The following CDK12 variants were observed in gnomAD, a reference collection of about 807,000 sequenced individuals.
CDK12 encodes cyclin dependent kinase 12.
CDK12 carries 17 observed loss-of-function variants against 133.8 expected under a neutral mutation model. The ratio of observed to expected loss-of-function variants is 0.13; its 90% confidence interval spans 0.09 to 0.19. The LOEUF is 0.19. Ranked by LOEUF, CDK12 falls within the 10% of genes least tolerant of loss-of-function variation. The probability of loss-of-function intolerance (pLI) is 1.00; values close to 1 mark genes in which losing one functional copy is unlikely to be tolerated. For missense variants in CDK12, 1,508 were observed against 1,818.7 expected, an observed-to-expected ratio of 0.83 and a Z score of 3.11; for synonymous variants, 694 against 683.6, an observed-to-expected ratio of 1.02 and a Z score of -0.24.
intron 6 of CDK12, among the ~76,000 whole-genome samples, chr17:39,506,007 GA>G (rs1271570660): frequency 2.6e-5 from 4 of 152,050 alleles, no homozygotes; most frequent in African/African-American, 9.7e-5. Flanking sequence ...TTTTTTCACT[GA>G]AAAAGGTCAT....
At position 39,530,765 on chromosome 17, in the gene CDK12, C is replaced by T. The variant is rs762264745; in HGVS notation, c.3922C>T (p.Pro1308Ser). The change falls in exon 14 of 14, where the codon CCT becomes TCT. Residue 1308 changes from proline to serine, a missense_variant. Pro to Ser is a moderately conservative substitution (Grantham distance 74). Around this residue, in one of 9 missense-constraint regions of CDK12, gnomAD observed 399 missense variants for 469.6 expected, o/e 0.85. Coordinates refer to ENST00000447079, the MANE Select transcript of CDK12 (RefSeq NM_016507.4). ...TAALLQLLSQPEAEPPGHLPH... is the reference protein window; with the variant it reads ...TAALLQLLSQSEAEPPGHLPH... ...CGCCTTGCTGCAACTTTTATCCCAG[C>T]CTGAAGCAGAGCCTCCTGGCCACCT... 1.5e-5 allele frequency: 24 copies of T among 1,614,134 alleles called. No homozygotes were observed. The highest frequency in any genetic ancestry group is 1.9e-5 in the Non-Finnish European group (23 of 1,180,032).
At chr17:39,544,418 CTCCCA>C (rs1481819444), upstream of CDK12, 7 of 398,674 alleles carry the variant, frequency 1.8e-5, no homozygotes, top group African/African-American at 1.4e-4. Flanking sequence ...GATGACCCTA[CTCCCA>C]TCCCACCCCA....
chr17:39,467,272 C>G (rs989045616), intron 1 of CDK12, among the ~76,000 whole-genome samples: 1 of 152,028 alleles, frequency 6.6e-6, no homozygotes, highest in African/African-American at 2.4e-5. Flanking sequence ...CCACCATGCC[C>G]GGCGAAACAA....
At chr17:39,494,753 T>C (rs1005548261) in intron 5 of CDK12, 59 bp downstream of exon 5, 6 of 1,262,116 alleles carry the variant, frequency 4.8e-6, no homozygotes, top group Non-Finnish European at 6.5e-6. Flanking sequence ...GCCTTTCTTT[T>C]TTTTTTTCTT....
chr17:39,501,187 G>C, intron 5 of CDK12, 63 bp from the exon 6 acceptor site: 1 of 1,192,296 alleles, frequency 8.4e-7, no homozygotes, highest in African/African-American at 1.6e-5. Context: ...TAGGACTTGA[G>C]GCATTGTTAT....
chr17:39,515,687 C>T lies in CDK12; in HGVS notation c.2769-44C>T, dbSNP rs371113332. 2.3e-5 allele frequency: 30 copies of T among 1,320,420 alleles called. 1 individual carries two copies. The highest frequency in any genetic ancestry group is 3.1e-5 in the Non-Finnish European group (29 of 920,802). The allele number at this position is 1,320,420 out of a possible 1,614,324, so 81.8% of individuals were successfully genotyped here. A position where few individuals can be genotyped will look rare whatever the true frequency, so the allele number is the denominator to read the frequency against. On this transcript the variant is annotated intron_variant, in intron 8 of 13. Transcript: ENST00000447079. ...AATTTTTTGAGACACTTTAAATAGG[C>T]TCTAAGAATTTCTCTTCTGACCTCT...
rs918150012 is a variant in CDK12, at chr17:39,497,123, G to A, written c.2419+2429G>A. Among the ~76,000 whole-genome samples the A allele has an allele frequency of 1.5e-4, 23 of 152,016 alleles. 1 individual carries two copies. Among genetic ancestry groups the A allele is most frequent in the African/African-American group, 4.6e-4 (19 of 41,408 alleles). On this transcript the variant is annotated intron_variant, in intron 5 of 13. Coordinates refer to ENST00000447079, the MANE Select transcript of CDK12 (RefSeq NM_016507.4). Reference sequence around the variant, plus strand: ...AATTTTTGTATCTTTATCAGAGACAGGGTTTCGCCATTTGGCCGGGCTGGT... The same window carrying A: ...AATTTTTGTATCTTTATCAGAGACAAGGTTTCGCCATTTGGCCGGGCTGGT...
rs141931974 is a variant in CDK12, at chr17:39,504,676, C to T, written c.2609+3237C>T. 1.4e-3 allele frequency among the ~76,000 whole-genome samples: 205 copies of T among 151,396 alleles called. 3 individuals carry two copies. In the East Asian group the frequency reaches 0.024, roughly 17 times the overall value. On this transcript the variant is annotated intron_variant, in intron 6 of 13. Coordinates refer to ENST00000447079, the MANE Select transcript of CDK12 (RefSeq NM_016507.4). Reference sequence around the variant, plus strand: ...GGCAGGTCACTTGATGCTAGGAGTTCGAGACCAGCCTGGCCAACATAGCAA... The same window carrying T: ...GGCAGGTCACTTGATGCTAGGAGTTTGAGACCAGCCTGGCCAACATAGCAA...
upstream of CDK12, among the ~76,000 whole-genome samples, chr17:39,543,098 T>C (rs1040004693): frequency 6.6e-6 from 1 of 152,150 alleles, no homozygotes; most frequent in African/African-American, 2.4e-5. Flanking sequence ...TAGAAAACTA[T>C]GGTGGCGGAA....
chr17:39,545,150 G>A (rs1384174779), upstream of CDK12, among the ~76,000 whole-genome samples: 1 of 152,046 alleles, frequency 6.6e-6, no homozygotes. Context: ...TCAGTTAGTG[G>A]GTTACTCTCA....
chr17:39,540,819 A>G (rs939441716), intron 1 of CDK12, among the ~76,000 whole-genome samples: 1 of 152,208 alleles, frequency 6.6e-6, no homozygotes, highest in Non-Finnish European at 1.5e-5. Context: ...GCCAGCCCCA[A>G]CGGCAGCTGA....
At chr17:39,472,563 A>G (rs1044467174) in intron 2 of CDK12, among the ~76,000 whole-genome samples, 20 of 151,882 alleles carry the variant, frequency 1.3e-4, no homozygotes, top group Admixed American at 1.1e-3. Flanking sequence ...AATCCCAGCT[A>G]CTTGAGAGGC....
At chr17:39,479,308 GAAAAAAAAA>G (rs34077108) in intron 2 of CDK12, among the ~76,000 whole-genome samples, 11 of 100,448 alleles carry the variant, frequency 1.1e-4, no homozygotes, top group Admixed American at 3.8e-4. Flanking sequence ...GACTCCGTCT[GAAAAAAAAA>G]AAAAAAAAAA....
At chr17:39,538,764 G>A (rs1288361517), downstream of CDK12, among the ~76,000 whole-genome samples, 1 of 152,158 alleles carries the variant, frequency 6.6e-6, no homozygotes, top group African/African-American at 2.4e-5. Flanking sequence ...CAGGCGTGGT[G>A]GCACAAGCCT....
intron 2 of CDK12, among the ~76,000 whole-genome samples, chr17:39,474,181 G>C (rs550389188): frequency 6.6e-6 from 1 of 152,202 alleles, no homozygotes; most frequent in African/African-American, 2.4e-5. Flanking sequence ...TTATTCTACT[G>C]TGATATTGTG....
At chr17:39,524,650 C>T in intron 11 of CDK12, 24 bp from the exon 12 acceptor site, 3 of 1,599,142 alleles carry the variant, frequency 1.9e-6, no homozygotes, top group East Asian at 4.5e-5. Context: ...TTACATATTT[C>T]CCCTTTGCTT....
chr17:39,505,258 G>A (rs977770563), intron 6 of CDK12, among the ~76,000 whole-genome samples: 1 of 145,490 alleles, frequency 6.9e-6, no homozygotes, highest in Non-Finnish European at 1.5e-5. Context: ...CAGGCGCGGT[G>A]GCTCACACCT....
chr17:39,504,851 T>C (rs1207723325), intron 6 of CDK12, among the ~76,000 whole-genome samples: 1 of 101,242 alleles, frequency 9.9e-6, no homozygotes, highest in Non-Finnish European at 1.9e-5. Flanking sequence ...CTGCACTCCA[T>C]CCTGGGTGAC....
rs879840168 is a variant in CDK12, at chr17:39,476,711, C to CTTTTTTTTTTTTTT, written c.1931+4964_1931+4977dup. On this transcript the variant is annotated intron_variant, in intron 2 of 13. Transcript: ENST00000447079. ...TACAGGCATGAGCCACCATGCCTGC[C>CTTTTTTTTTTTTTT]TTTTTTTTTTTTTTTTTTTTTTTTT... 9.8e-4 allele frequency among the ~76,000 whole-genome samples: 83 copies of CTTTTTTTTTTTTTT among 84,518 alleles called. 14 individuals carry two copies. Among genetic ancestry groups the CTTTTTTTTTTTTTT allele is most frequent in the African/African-American group, 3.2e-3 (56 of 17,560 alleles). 55.4% of individuals were successfully genotyped at this position (84,518 alleles called of 152,430 possible). A position where few individuals can be genotyped will look rare whatever the true frequency, so the allele number is the denominator to read the frequency against.
Sources: gnomAD v4.1 joint callset for allele counts (sites outside exome capture counted in the v4.1 genomes callset) on GRCh38, gnomAD v4.1.1 for gene constraint, gnomAD v4.1.1 regional missense constraint, MANE v1.5 for transcripts, NCBI Gene and HGNC (gene_info 2026-07-23, HGNC 2026-07-21) for gene names.